LTBP1: variants seen among roughly 807,000 people sequenced by gnomAD.
The protein encoded by LTBP1 is latent-transforming growth factor beta-binding protein 1.
Under a neutral mutation model 207.6 loss-of-function variants are expected in LTBP1, and 129 were observed. The ratio of observed to expected loss-of-function variants is 0.62; its 90% CI spans 0.54 to 0.72. LTBP1 has a LOEUF of 0.72. LTBP1 is among the 30% of genes least tolerant of loss of function. The probability of loss-of-function intolerance (pLI) is 0.00; values close to 1 mark genes in which losing one functional copy is unlikely to be tolerated. For synonymous variants in LTBP1, 963 were observed against 833.7 expected, an observed-to-expected ratio of 1.16 and a Z score of -2.67; for missense variants, 2,281 against 2,217.2, an observed-to-expected ratio of 1.03 and a Z score of -0.58.
At chr2:33,060,895 C>CT (rs202233860) in intron 3 of LTBP1, among the ~76,000 whole-genome samples, 266 of 151,542 alleles carry the variant, frequency 1.8e-3, no homozygotes, top group African/African-American at 5.8e-3. Flanking sequence ...AATTATATTA[C>CT]TTTTTTTTTC....
intron 3 of LTBP1, among the ~76,000 whole-genome samples, chr2:33,027,709 C>T (rs565517410): frequency 1.3e-4 from 20 of 152,148 alleles, no homozygotes; most frequent in Middle Eastern, 3.4e-3. Context: ...TGGTGGCATG[C>T]GCCTGTAGTC....
At chr2:32,947,852 C>T (rs1036130261) in intron 1 of LTBP1, 34 bp downstream of exon 1, 51 of 1,277,602 alleles carry the variant, frequency 4.0e-5, no homozygotes, top group African/African-American at 6.2e-5. Flanking sequence ...CGCCCGCCCG[C>T]CTCGCGCGCA....
intron 4 of LTBP1, among the ~76,000 whole-genome samples, chr2:33,117,673 T>G (rs1448219962): frequency 6.6e-6 from 1 of 152,186 alleles, no homozygotes; most frequent in Non-Finnish European, 1.5e-5. Flanking sequence ...TCTGGATGCC[T>G]AGTGCCAGTT....
intron 2 of LTBP1, among the ~76,000 whole-genome samples, chr2:32,982,826 A>G (rs1682973081): frequency 6.6e-6 from 1 of 152,190 alleles, no homozygotes; most frequent in South Asian, 2.1e-4. Context: ...ATTTCAAAGG[A>G]TGTATGGAAA....
intron 5 of LTBP1, among the ~76,000 whole-genome samples, chr2:33,150,276 A>G (rs2083405801): frequency 6.6e-6 from 1 of 152,140 alleles, no homozygotes. Context: ...TTTTACTTGA[A>G]TGAAATGCCT....
intron 2 of LTBP1, among the ~76,000 whole-genome samples, chr2:33,007,711 G>A (rs1687123391): frequency 1.3e-5 from 2 of 152,218 alleles, no homozygotes; most frequent in Admixed American, 1.3e-4. Context: ...CCTCTCAAGA[G>A]CTTCTTTGAA....
intron 5 of LTBP1, among the ~76,000 whole-genome samples, chr2:33,148,771 A>G (rs2083261670): frequency 6.6e-6 from 1 of 152,224 alleles, no homozygotes; most frequent in Non-Finnish European, 1.5e-5. Context: ...TGTCTGTCAA[A>G]TAGTTCTCAA....
At chr2:33,171,478 A>G (rs1444222749) in intron 5 of LTBP1, among the ~76,000 whole-genome samples, 5 of 151,274 alleles carry the variant, frequency 3.3e-5, no homozygotes, top group South Asian at 4.2e-4. Flanking sequence ...AAAGAAACGA[A>G]CAAAGCCTCC....
At chr2:33,363,317 T>C in intron 28 of LTBP1, 73 bp from the exon 29 acceptor site, 1 of 1,485,972 alleles carries the variant, frequency 6.7e-7, no homozygotes, top group South Asian at 1.2e-5. Flanking sequence ...AAGCCCCAAA[T>C]CTGGTTAGAC....
intron 4 of LTBP1, 44 bp downstream of exon 4, chr2:33,110,795 G>C: frequency 6.3e-7 from 1 of 1,580,246 alleles, no homozygotes. Context: ...TATGGTATCA[G>C]AGATTGGAAA....
intron 20 of LTBP1, 48 bp downstream of exon 20, chr2:33,293,330 ATATAGAT>A: frequency 6.4e-7 from 1 of 1,563,814 alleles, no homozygotes; most frequent in Non-Finnish European, 8.6e-7. Context: ...CTTCATTTAA[ATATAGAT>A]TAGAGCAATT....
chr2:33,117,446 C>T lies in LTBP1; in HGVS notation c.1033+6695C>T, dbSNP rs1289551297. 2.0e-5 allele frequency among the ~76,000 whole-genome samples: 3 copies of T among 152,170 alleles called. No individual in the cohort carries two copies. In the East Asian group the frequency reaches 5.8e-4, roughly 29 times the overall value. On this transcript the variant is annotated intron_variant, in intron 4 of 33. Coordinates refer to ENST00000404816, the MANE Select transcript of LTBP1 (RefSeq NM_206943.4). Reference sequence around the variant, plus strand: ...AGCGAAGAGTCTTTACGGTTGCAGTCTGATACCACAAAGAGGTTACCCGTA... The same window carrying T: ...AGCGAAGAGTCTTTACGGTTGCAGTTTGATACCACAAAGAGGTTACCCGTA...
At chr2:33,318,140 C>A (rs566658027) in intron 24 of LTBP1, among the ~76,000 whole-genome samples, 3 of 152,014 alleles carry the variant, frequency 2.0e-5, no homozygotes, top group Admixed American at 2.0e-4. Context: ...ATTACCACCA[C>A]CCCCCAAAAA....
At chr2:32,965,568 A>G (rs1275215550) in intron 2 of LTBP1, among the ~76,000 whole-genome samples, 1 of 152,156 alleles carries the variant, frequency 6.6e-6, no homozygotes, top group African/African-American at 2.4e-5. Flanking sequence ...AATAGTTGAG[A>G]TCATACTGTA....
intron 24 of LTBP1, among the ~76,000 whole-genome samples, chr2:33,332,507 A>G (rs968840691): frequency 2.6e-5 from 4 of 151,632 alleles, no homozygotes; most frequent in African/African-American, 7.2e-5. Context: ...AATATTTGAC[A>G]TATTTCTTAA....
At chr2:33,398,217 G>C (rs1025529074) in intron 33 of LTBP1, 147 bp from the exon 34 acceptor site, 7 of 630,340 alleles carry the variant, frequency 1.1e-5, no homozygotes, top group Non-Finnish European at 1.9e-5. Flanking sequence ...TCTCAAAAAA[G>C]TCATCTTCGT....
chr2:33,260,569 TCATAA>T (rs1345878472), intron 13 of LTBP1, among the ~76,000 whole-genome samples: 8 of 152,302 alleles, frequency 5.3e-5, no homozygotes, highest in Middle Eastern at 3.4e-3. Context: ...AACATATATG[TCATAA>T]CATAAGTGCT....
In LTBP1 at chr2:32,975,583, GTTTTTTTTTTTTTTTTTTTTTTT is replaced by G. The variant is rs779168923; in HGVS notation, c.565+26654_565+26676del. 1.6e-3 allele frequency among the ~76,000 whole-genome samples: 50 copies of G among 31,382 alleles called. 1 individual carries two copies. Among genetic ancestry groups the G allele is most frequent in the South Asian group, 5.9e-3 (3 of 508 alleles). 20.6% of individuals were successfully genotyped at this position (31,382 alleles called of 152,430 possible). On this transcript the variant is annotated intron_variant, in intron 2 of 33. Coordinates refer to ENST00000404816, the MANE Select transcript of LTBP1 (RefSeq NM_206943.4). ...TTGTTGGAGGTTTCATTCATTCTTT[GTTTTTTTTTTTTTTTTTTTTTTT>G]TTTTTTTTTTTTTTTGTCTGACTGG...
intron 15 of LTBP1, among the ~76,000 whole-genome samples, chr2:33,265,864 G>A (rs565160067): frequency 6.6e-6 from 1 of 152,356 alleles, no homozygotes; most frequent in East Asian, 1.9e-4. Context: ...GGTTGACAAT[G>A]TGTTATAGGA....
Sources: allele counts gnomAD v4.1 joint callset (sites outside exome capture counted in the v4.1 genomes callset), GRCh38; gene constraint gnomAD v4.1.1; transcripts MANE v1.5; gene names NCBI Gene and HGNC (gene_info 2026-07-23, HGNC 2026-07-21).